The following MYL3 variants were observed in gnomAD, a reference collection of about 807,000 sequenced individuals.
The protein encoded by MYL3 is myosin light chain 3.
A neutral mutation model predicts 21.3 loss-of-function variants in MYL3; 11 were observed. The ratio of observed to expected loss-of-function variants is 0.52; its 90% confidence interval spans 0.32 to 0.85. MYL3 has a LOEUF of 0.85. MYL3 is among the 40% of genes least tolerant of loss of function. The pLI is 0.03. For synonymous variants in MYL3, 88 were observed against 91.6 expected (o/e 0.96, Z 0.22); for missense variants, 206 against 253.3 (o/e 0.81, Z 1.27).
Position 46,879,065 on chromosome 3 carries a change from C to T in MYL3, c.-218+3009G>A, listed in dbSNP as rs1377296137. Among the ~76,000 whole-genome samples the T allele has an allele frequency of 6.6e-6, 1 of 152,236 alleles. No homozygotes were observed. The highest frequency in any genetic ancestry group is 1.5e-5 in the Non-Finnish European group (1 of 68,040). ...AGTTAATGTGTGACACCCCCACCCT[C>T]ATGGTAGCACTTTAACCAGAGGCCC... is the stretch of plus-strand genomic sequence containing the variant. On this transcript the variant is annotated intron_variant, in intron 1 of 3. Coordinates refer to the MYL3 transcript ENST00000431168. This position sits in a 1 kb window ranked among gnomAD's most constrained non-coding sequence, Gnocchi z 4.7.
chr3:46,859,778 C>T lies in MYL3; in HGVS notation c.308-130G>A, dbSNP rs1701970523. On this transcript the variant is annotated intron_variant, in intron 3 of 6. Transcript: ENST00000292327. The surrounding 1 kb of genome is among the most constrained non-coding windows in gnomAD (Gnocchi z 4.1). ...CAACAGTCTACACCAGTTCTCACAG[C>T]AGTCTACACCAGTTTGCCATTTAAA... 4 of 1,070,366 alleles carry T rather than the reference C, an allele frequency of 3.7e-6. No homozygotes were observed. The highest frequency in any genetic ancestry group is 5.7e-6 in the Non-Finnish European group (4 of 701,292). The allele number at this position is 1,070,366 out of a possible 1,614,324, so 66.3% of individuals were successfully genotyped here. A position where few individuals can be genotyped will look rare whatever the true frequency, so the allele number is the denominator to read the frequency against.
intron 1 of MYL3, among the ~76,000 whole-genome samples, chr3:46,880,795 T>A (rs571744284): frequency 6.6e-6 from 1 of 152,148 alleles, no homozygotes; most frequent in Admixed American, 6.5e-5. Context: ...ACATGGGGAA[T>A]GCACCTGGGA....
At chr3:46,863,984 C>T (rs1702021780), upstream of MYL3, among the ~76,000 whole-genome samples, 1 of 151,388 alleles carries the variant, frequency 6.6e-6, no homozygotes, top group Non-Finnish European at 1.5e-5. Flanking sequence ...GTCTATGTGT[C>T]TGTGGGTCTC....
rs926867270 is a variant in MYL3 at position 46,879,346 on chromosome 3, A to T, written c.-218+2728T>A. On this transcript the variant is annotated intron_variant, in intron 1 of 3. Coordinates refer to the MYL3 transcript ENST00000431168. The surrounding 1 kb of genome is among the most constrained non-coding windows in gnomAD (Gnocchi z 4.7). Reference sequence around the variant, plus strand: ...CCCTCAGCCTCTAGTTTTATCTCTCAGTCCTTCCAATCCCTCCATTAATGT... The same window carrying T: ...CCCTCAGCCTCTAGTTTTATCTCTCTGTCCTTCCAATCCCTCCATTAATGT... Among the ~76,000 whole-genome samples, 2 of 152,228 alleles carry T rather than the reference A, an allele frequency of 1.3e-5. No homozygotes were observed. Among genetic ancestry groups the T allele is most frequent in the Admixed American group, 6.5e-5 (1 of 15,288 alleles).
At chr3:46,875,571 T>C (rs115194087) in intron 1 of MYL3, among the ~76,000 whole-genome samples, 3,375 of 152,352 alleles carry the variant, frequency 0.022, 55 homozygotes, top group Non-Finnish European at 0.034. Context: ...TTTGATGGCC[T>C]CGTGGCCATG....
chr3:46,862,098 G>A (rs907856729), intron 1 of MYL3, among the ~76,000 whole-genome samples: 1 of 152,190 alleles, frequency 6.6e-6, no homozygotes, highest in African/African-American at 2.4e-5. Flanking sequence ...GGAAGAGGGC[G>A]CATGAGGGGT....
At chr3:46,878,615 A>G (rs1217563878) in intron 1 of MYL3, among the ~76,000 whole-genome samples, 2 of 152,202 alleles carry the variant, frequency 1.3e-5, no homozygotes, top group East Asian at 3.9e-4. Flanking sequence ...GGTCTGGCCA[A>G]GGGGTTTTCT....
Position 46,860,823 on chromosome 3 carries a change from A to C in MYL3, c.160T>G (p.Phe54Val), listed in dbSNP as rs775106506. Residue 54 changes from phenylalanine to valine, a missense_variant and splice_region_variant, in exon 3 of 7, where the codon TTC becomes GTC. By Grantham distance (50) the Phe-to-Val change is conservative. Transcript: ENST00000292327. The surrounding 1 kb of genome is among the most constrained non-coding windows in gnomAD (Gnocchi z 4.6). ...IEFTPEQIEEFKEAFMLFDRT... is the reference protein window; with the variant it reads ...IEFTPEQIEEVKEAFMLFDRT... ...TCGAACAGCATGAAGGCTTCCTTGA[A>C]CTCTGCCAGGAGAGGGCAGTGAGCC... 2.5e-6 allele frequency: 4 copies of C among 1,612,868 alleles called. No homozygotes were observed. In the Admixed American group the frequency reaches 6.7e-5, roughly 27 times the overall value.
At chr3:46,864,493 G>A (rs1702028244), upstream of MYL3, among the ~76,000 whole-genome samples, 1 of 152,038 alleles carries the variant, frequency 6.6e-6, no homozygotes, top group Non-Finnish European at 1.5e-5. This position sits in a 1 kb window ranked among gnomAD's most constrained non-coding sequence, Gnocchi z 4.7. Context: ...CACACCCCAG[G>A]CCTGGCTCCC....
upstream of MYL3, among the ~76,000 whole-genome samples, chr3:46,867,417 G>A (rs150899370): frequency 3.3e-5 from 5 of 152,238 alleles, no homozygotes; most frequent in Non-Finnish European, 5.9e-5. Context: ...TGGCAACAGC[G>A]GGGGTAGCTG....
rs1217945186 is a variant in MYL3 at position 46,859,471 on chromosome 3, T to C, written c.481+4A>G. ...GTTGGGGTAGGGGAGGAGGCTGCCC[T>C]CACCCAGCGTGGCCAGCACGTGGCG... On this transcript the variant is annotated splice_donor_region_variant and intron_variant, in intron 4 of 6. Transcript: ENST00000292327. The surrounding 1 kb of genome is among the most constrained non-coding windows in gnomAD (Gnocchi z 4.1). 3 of 1,613,978 alleles carry C rather than the reference T, an allele frequency of 1.9e-6. No individual in the cohort carries two copies. Among genetic ancestry groups the C allele is most frequent in the East Asian group, 2.2e-5 (1 of 44,898 alleles).
At chr3:46,875,782 T>C (rs1167409978) in intron 1 of MYL3, among the ~76,000 whole-genome samples, 3 of 152,226 alleles carry the variant, frequency 2.0e-5, no homozygotes, top group Non-Finnish European at 4.4e-5. Context: ...GCATCCAGCC[T>C]TGGCATCCAG....
chr3:46,861,871 C>A lies in MYL3; in HGVS notation c.130-884G>T, dbSNP rs3792559. ...CATGGCTGCTGCCACGGAGCCCCAC[C>A]AATCTCCACAGTGCATGCCGGCACA... On this transcript the variant is annotated intron_variant, in intron 1 of 6. Transcript: ENST00000292327. The surrounding 1 kb of genome is among the most constrained non-coding windows in gnomAD (Gnocchi z 4.2). Among the ~76,000 whole-genome samples the A allele has an allele frequency of 0.1, 15,966 of 152,180 alleles. 1,102 individuals carry two copies. The highest frequency in any genetic ancestry group is 0.29 in the South Asian group (1,420 of 4,820).
intron 1 of MYL3, among the ~76,000 whole-genome samples, chr3:46,870,754 C>G (rs1360714894): frequency 6.6e-6 from 1 of 152,122 alleles, no homozygotes; most frequent in East Asian, 1.9e-4. Context: ...CTGGAGATAC[C>G]TATGGGCCCC....
In MYL3 at chr3:46,860,148, C is replaced by T. The variant is rs1295228743; in HGVS notation, c.308-500G>A. Reference sequence around the variant, plus strand: ...TCATTCATTTATTTATTTTTAGACACGAGGTCTTCTTGTTACGTCACACAG... The same window carrying T: ...TCATTCATTTATTTATTTTTAGACATGAGGTCTTCTTGTTACGTCACACAG... On this transcript the variant is annotated intron_variant, in intron 3 of 6. Coordinates refer to ENST00000292327, the MANE Select transcript of MYL3 (RefSeq NM_000258.3). The surrounding 1 kb of genome is among the most constrained non-coding windows in gnomAD (Gnocchi z 4.6). Among the ~76,000 whole-genome samples the T allele has an allele frequency of 6.6e-6, 1 of 151,490 alleles. No homozygotes were observed. Among genetic ancestry groups the T allele is most frequent in the Non-Finnish European group, 1.5e-5 (1 of 67,944 alleles).
rs1345959283 is a variant in MYL3 at position 46,858,460 on chromosome 3, A to C, written c.483T>G (p.Gly161=). ...CCACTTCGTCTTCTGTCAGCCTCTCACCTGGCAGGAGTGGGAGGCTGAGTC... is the reference window on the plus strand; with the variant it reads ...CCACTTCGTCTTCTGTCAGCCTCTCCCCTGGCAGGAGTGGGAGGCTGAGTC... ...AELRHVLATL[G]ERLTEDEVEK... The change falls in exon 5 of 7, where the codon GGT becomes GGG. Residue 161 remains glycine (G), a splice_region_variant and synonymous_variant. Coordinates refer to ENST00000292327, the MANE Select transcript of MYL3 (RefSeq NM_000258.3). The C allele has an allele frequency of 6.2e-7, 1 of 1,612,540 alleles. No homozygotes were observed. Among genetic ancestry groups the C allele is most frequent in the East Asian group, 2.2e-5 (1 of 44,872 alleles).
Position 46,879,650 on chromosome 3 carries a change from G to C in MYL3, c.-218+2424C>G, listed in dbSNP as rs1308565691. Reference sequence around the variant, plus strand: ...TGGTGCCAGCTACATGAGAGGCTGAGGTGAGAGGATTGCTTGAGCCCAGGA... The same window carrying C: ...TGGTGCCAGCTACATGAGAGGCTGACGTGAGAGGATTGCTTGAGCCCAGGA... On this transcript the variant is annotated intron_variant, in intron 1 of 3. Transcript: ENST00000431168. The surrounding 1 kb of genome is among the most constrained non-coding windows in gnomAD (Gnocchi z 4.7). Among the ~76,000 whole-genome samples the C allele has an allele frequency of 1.3e-5, 2 of 152,226 alleles. No homozygotes were observed. Among genetic ancestry groups the C allele is most frequent in the Non-Finnish European group, 2.9e-5 (2 of 68,042 alleles).
chr3:46,870,636 G>A (rs541864407), intron 1 of MYL3, among the ~76,000 whole-genome samples: 36 of 152,270 alleles, frequency 2.4e-4, no homozygotes, highest in African/African-American at 8.4e-4. Flanking sequence ...GTCAACTCTG[G>A]TACCTGCCTG....
intron 1 of MYL3, chr3:46,881,160 T>G (rs1295090451): frequency 6.6e-6 from 1 of 152,254 alleles, no homozygotes; most frequent in Non-Finnish European, 1.5e-5. Context: ...CCAGACTCAT[T>G]TCCCAGGGCC....
Sources: allele counts gnomAD v4.1 joint callset (sites outside exome capture counted in the v4.1 genomes callset), GRCh38; gene constraint gnomAD v4.1.1; non-coding constraint Gnocchi (gnomAD v3.1); transcripts MANE v1.5; gene names NCBI Gene and HGNC (gene_info 2026-07-23, HGNC 2026-07-21).